Variants in L3MBTL3 observed in about 807,000 individuals in gnomAD.
The protein encoded by L3MBTL3 is lethal(3)malignant brain tumor-like protein 3.
Under a neutral mutation model 102.3 loss-of-function variants are expected in L3MBTL3, and 27 were observed. That is an observed-to-expected ratio of 0.26 (90% CI 0.19 to 0.36). L3MBTL3 has a LOEUF of 0.36. Ranked by LOEUF, L3MBTL3 falls within the 10% of genes least tolerant of loss-of-function variation. L3MBTL3 has a pLI of 1.00. For synonymous variants in L3MBTL3, 340 were observed against 320.9 expected (o/e 1.06, Z -0.64); for missense variants, 798 against 955.3 (o/e 0.84, Z 2.17).
chr6:130,084,932 T>C (rs1390098290), intron 15 of L3MBTL3, among the ~76,000 whole-genome samples: 1 of 152,126 alleles, frequency 6.6e-6, no homozygotes. Context: ...CAGGCTTAAG[T>C]GATCCTCCCA....
At chr6:130,106,706 C>T (rs111643582) in intron 19 of L3MBTL3, among the ~76,000 whole-genome samples, 32 of 152,316 alleles carry the variant, frequency 2.1e-4, no homozygotes, top group African/African-American at 7.5e-4. Context: ...ATCATCTCCT[C>T]CCCTTCCAAA....
chr6:130,097,273 C>T (rs931267441), intron 18 of L3MBTL3, among the ~76,000 whole-genome samples: 2 of 152,052 alleles, frequency 1.3e-5, no homozygotes, highest in Admixed American at 1.3e-4. Context: ...TACTTTTGTT[C>T]TTACTAAGAA....
intron 13 of L3MBTL3, among the ~76,000 whole-genome samples, chr6:130,074,165 T>C (rs895020887): frequency 6.6e-6 from 1 of 152,202 alleles, no homozygotes; most frequent in Non-Finnish European, 1.5e-5. Context: ...TTGATTTGAA[T>C]AGTAATTCTT....
At chr6:130,064,708 T>C (rs1036236788) in intron 10 of L3MBTL3, among the ~76,000 whole-genome samples, 1 of 151,996 alleles carries the variant, frequency 6.6e-6, no homozygotes, top group Non-Finnish European at 1.5e-5. Flanking sequence ...GTTGGGAACA[T>C]GAGCACCCTT....
rs540096840 is a variant in L3MBTL3, at chr6:130,080,024, G to A, written c.1321+1390G>A. Reference sequence around the variant, plus strand: ...AATCTCAGCACTTTGGGAGGCTGAGGCGGGAGGATCACTTGAGCCCAGGAG... The same window carrying A: ...AATCTCAGCACTTTGGGAGGCTGAGACGGGAGGATCACTTGAGCCCAGGAG... On this transcript the variant is annotated intron_variant, in intron 14 of 22. Transcript: ENST00000361794. 2.6e-5 allele frequency among the ~76,000 whole-genome samples: 4 copies of A among 152,270 alleles called. No homozygotes were observed. The South Asian group carries it at 8.3e-4, about 32-fold the overall frequency.
At chr6:130,110,488 C>G (rs1785282391) in intron 19 of L3MBTL3, among the ~76,000 whole-genome samples, 1 of 152,144 alleles carries the variant, frequency 6.6e-6, no homozygotes, top group Non-Finnish European at 1.5e-5. Context: ...TGATTTGACT[C>G]TCTGTTTGTC....
In L3MBTL3 at chr6:130,141,063, G is replaced by A. The variant is rs1039429376; in HGVS notation, c.*1310G>A. ...TCTAAGGCAAAAGGTAAATTATTTT[G>A]TCCGTCTTTTGATGTACTTTCTGAT... On this transcript the variant is annotated 3_prime_UTR_variant, in exon 23 of 23. Coordinates refer to ENST00000361794, the MANE Select transcript of L3MBTL3 (RefSeq NM_032438.4). The A allele has an allele frequency of 2.0e-5, 3 of 152,470 alleles. No homozygotes were observed. Among genetic ancestry groups the A allele is most frequent in the Non-Finnish European group, 4.4e-5 (3 of 68,032 alleles). The allele number at this position is 152,470 out of a possible 1,614,324, so 9.4% of individuals were successfully genotyped here. A position where few individuals can be genotyped will look rare whatever the true frequency, so the allele number is the denominator to read the frequency against.
At chr6:130,112,978 C>T (rs1785448793) in intron 19 of L3MBTL3, among the ~76,000 whole-genome samples, 1 of 152,130 alleles carries the variant, frequency 6.6e-6, no homozygotes, top group Admixed American at 6.5e-5. Flanking sequence ...TCATCTCTGC[C>T]CTCACGCTGC....
At chr6:130,104,395 CT>C (rs376203297) in intron 18 of L3MBTL3, 30 bp from the exon 19 acceptor site, 1,568 of 1,325,610 alleles carry the variant, frequency 1.2e-3, no homozygotes, top group South Asian at 2.7e-3. Flanking sequence ...GTTCAATGTT[CT>C]TTTTTTTTTC....
intron 2 of L3MBTL3, among the ~76,000 whole-genome samples, chr6:130,035,286 A>G (rs1779984552): frequency 6.6e-6 from 1 of 152,208 alleles, no homozygotes; most frequent in Non-Finnish European, 1.5e-5. Flanking sequence ...TTTAATCACC[A>G]CCTGATGTAA....
At chr6:130,107,305 C>A (rs1400474385) in intron 19 of L3MBTL3, among the ~76,000 whole-genome samples, 1 of 152,190 alleles carries the variant, frequency 6.6e-6, no homozygotes, top group African/African-American at 2.4e-5. Context: ...GACTTTCTAA[C>A]TATTTATTTA....
At chr6:130,116,715 G>C (rs1041204828) in intron 19 of L3MBTL3, among the ~76,000 whole-genome samples, 2 of 151,876 alleles carry the variant, frequency 1.3e-5, no homozygotes, top group Non-Finnish European at 2.9e-5. Flanking sequence ...TGGCACCACT[G>C]CACTCCAGCC....
intron 19 of L3MBTL3, among the ~76,000 whole-genome samples, chr6:130,117,970 C>T (rs1330548677): frequency 6.9e-6 from 1 of 145,888 alleles, no homozygotes; most frequent in African/African-American, 2.6e-5. Context: ...CTCAGTCTCC[C>T]AAAGTGTTGT....
At chr6:130,034,477 G>A (rs943372064) in intron 2 of L3MBTL3, among the ~76,000 whole-genome samples, 3 of 151,970 alleles carry the variant, frequency 2.0e-5, no homozygotes, top group Non-Finnish European at 2.9e-5. Context: ...TTTCCTTTTG[G>A]AGCATTTGGT....
chr6:130,042,902 C>A, intron 3 of L3MBTL3, 101 bp downstream of exon 3: 1 of 776,254 alleles, frequency 1.3e-6, no homozygotes, highest in Non-Finnish European at 2.2e-6. Context: ...AAGCATTAAT[C>A]ATAGTGGTGT....
rs781250801 is a variant in L3MBTL3 at position 130,066,402 on chromosome 6, A to G, written c.914A>G (p.Tyr305Cys). 67 of 1,611,282 alleles carry G rather than the reference A, an allele frequency of 4.2e-5. 1 individual carries two copies. Among genetic ancestry groups the G allele is most frequent in the Admixed American group, 1.8e-4 (11 of 59,648 alleles). Residue 305 changes from tyrosine to cysteine, a missense_variant, in exon 11 of 23, where the codon TAT (tyrosine) becomes TGT (cysteine). By Grantham distance (194) the Tyr-to-Cys change is radical (BLOSUM62 -2). Transcript: ENST00000361794. Reference sequence around the variant, plus strand: ...CACTTTGATGGGTATTCTGATTGCTATGACTTCTGGGTGAATGCAGACGCT... The same window carrying G: ...CACTTTGATGGGTATTCTGATTGCTGTGACTTCTGGGTGAATGCAGACGCT... ...KLHFDGYSDCYDFWVNADALD... is the reference protein window; with the variant it reads ...KLHFDGYSDCCDFWVNADALD...
intron 3 of L3MBTL3, among the ~76,000 whole-genome samples, chr6:130,046,357 C>T (rs1780724457): frequency 6.6e-6 from 1 of 152,142 alleles, no homozygotes; most frequent in Admixed American, 6.5e-5. Context: ...AACATCTTTG[C>T]CCTTAAAACA....
chr6:130,018,904 T>G (rs1778734732), intron 1 of L3MBTL3, among the ~76,000 whole-genome samples: 1 of 151,736 alleles, frequency 6.6e-6, no homozygotes, highest in South Asian at 2.1e-4. Flanking sequence ...AGTGGGCAAG[T>G]GACTCGGAAA....
chr6:130,138,095 C>T (rs1787897644), intron 22 of L3MBTL3: 1 of 152,214 alleles, frequency 6.6e-6, no homozygotes, highest in South Asian at 2.1e-4. Flanking sequence ...CCAGTTCTTA[C>T]TGATGAAGCA....
Sources: gnomAD v4.1 joint callset for allele counts (sites outside exome capture counted in the v4.1 genomes callset) on GRCh38, gnomAD v4.1.1 for gene constraint, MANE v1.5 for transcripts, NCBI Gene and HGNC (gene_info 2026-07-23, HGNC 2026-07-21) for gene names.